Variants in NSG2 observed in about 807,000 individuals in gnomAD.
The protein encoded by NSG2 is neuronal vesicle trafficking-associated protein 2.
A neutral mutation model predicts 16.9 loss-of-function variants in NSG2; 4 were observed. That is an observed-to-expected ratio of 0.24 (90% CI 0.12 to 0.54). NSG2 has a LOEUF of 0.54. Ranked by LOEUF, NSG2 falls within the 20% of genes least tolerant of loss-of-function variation. The pLI, the probability that NSG2 is intolerant of heterozygous loss-of-function variation, is 0.95. For synonymous variants in NSG2, 98 were observed against 88.7 expected, an observed-to-expected ratio of 1.11 and a Z score of -0.59; for missense variants, 179 against 221.1, an observed-to-expected ratio of 0.81 and a Z score of 1.21.
intron 3 of NSG2, among the ~76,000 whole-genome samples, chr5:174,101,138 C>G (rs1040358293): frequency 6.6e-6 from 1 of 152,184 alleles, no homozygotes; most frequent in Admixed American, 6.5e-5. Context: ...CTTGGCTGGG[C>G]CCAGGTGTGT....
chr5:174,071,215 C>T (rs913719482), intron 3 of NSG2, among the ~76,000 whole-genome samples: 1 of 152,208 alleles, frequency 6.6e-6, no homozygotes, highest in African/African-American at 2.4e-5. Flanking sequence ...TTTTAAACAA[C>T]CAGTGGCTCA....
intron 3 of NSG2, 64 bp downstream of exon 3, chr5:174,064,379 A>G (rs1760107396): frequency 4.4e-6 from 5 of 1,124,438 alleles, no homozygotes; most frequent in African/African-American, 1.5e-5. Context: ...AGCTCAGCAC[A>G]CCTCGTGCTT....
At chr5:174,083,859 A>T (rs537414323) in intron 3 of NSG2, among the ~76,000 whole-genome samples, 4 of 152,292 alleles carry the variant, frequency 2.6e-5, no homozygotes, top group African/African-American at 9.6e-5. Context: ...TGTGATGGGG[A>T]CATTATTGTA....
Position 174,046,809 on chromosome 5 carries a change from T to A in NSG2, c.54T>A (p.Val18=). ...AGAAGGGAACCAAGCCGCCTTCAGTTGAGGATGGCTTCCAGACCGTCCCTC... is the reference window on the plus strand; with the variant it reads ...AGAAGGGAACCAAGCCGCCTTCAGTAGAGGATGGCTTCCAGACCGTCCCTC... ...PSEKGTKPPS[V]EDGFQTVPLI... The change falls in exon 2 of 5, where the codon GTT becomes GTA. Residue 18 remains valine (V), a synonymous_variant. Coordinates refer to ENST00000303177, the MANE Select transcript of NSG2 (RefSeq NM_015980.5). 6.2e-7 allele frequency: 1 copy of A among 1,614,142 alleles called. No individual in the cohort carries two copies.
At chr5:174,103,513 C>T (rs766241999) in intron 3 of NSG2, among the ~76,000 whole-genome samples, 5 of 152,010 alleles carry the variant, frequency 3.3e-5, no homozygotes, top group African/African-American at 9.7e-5. Context: ...AGTTGATGTC[C>T]GAGGTTGCAA....
intron 2 of NSG2, chr5:174,062,697 C>T (rs1760072615): frequency 6.6e-6 from 1 of 152,202 alleles, no homozygotes; most frequent in Admixed American, 6.5e-5. Context: ...TCCTTAACCC[C>T]CATAAGTCCA....
In NSG2 at chr5:174,047,495, G is replaced by A. The variant is rs145658624; in HGVS notation, c.129+611G>A. Among the ~76,000 whole-genome samples, 1,044 of 152,356 alleles carry A rather than the reference G, an allele frequency of 6.9e-3. 7 individuals carry two copies. The highest frequency in any genetic ancestry group is 9.6e-3 in the Non-Finnish European group (650 of 68,038). Reference sequence around the variant, plus strand: ...GAGAAGACAGGTTAGGCAAACTGCAGAGGAGAGCATTTGAATTGGGCTTTT... The same window carrying A: ...GAGAAGACAGGTTAGGCAAACTGCAAAGGAGAGCATTTGAATTGGGCTTTT... On this transcript the variant is annotated intron_variant, in intron 2 of 4. Coordinates refer to ENST00000303177, the MANE Select transcript of NSG2 (RefSeq NM_015980.5).
chr5:174,084,543 G>A (rs1046370073), intron 3 of NSG2, among the ~76,000 whole-genome samples: 11 of 152,206 alleles, frequency 7.2e-5, no homozygotes, highest in African/African-American at 2.7e-4. Context: ...GGAGCCTGTA[G>A]TGAAGAGCAT....
At chr5:174,079,608 C>A (rs1371567411) in intron 3 of NSG2, among the ~76,000 whole-genome samples, 1 of 152,082 alleles carries the variant, frequency 6.6e-6, no homozygotes, top group African/African-American at 2.4e-5. Context: ...GTTCTTATTG[C>A]CTGTTTGATC....
chr5:174,083,137 C>T (rs1482749927), intron 3 of NSG2, among the ~76,000 whole-genome samples: 1 of 152,224 alleles, frequency 6.6e-6, no homozygotes, highest in Non-Finnish European at 1.5e-5. Flanking sequence ...AGGAGCCCCA[C>T]TCCCCAGTGC....
At chr5:174,082,099 C>T (rs369872785) in intron 3 of NSG2, among the ~76,000 whole-genome samples, 9 of 151,982 alleles carry the variant, frequency 5.9e-5, no homozygotes, top group African/African-American at 1.7e-4. Context: ...CATTTGTACC[C>T]GACCACCTGT....
intron 2 of NSG2, among the ~76,000 whole-genome samples, chr5:174,048,368 C>A (rs1422607559): frequency 6.6e-6 from 1 of 152,158 alleles, no homozygotes; most frequent in Non-Finnish European, 1.5e-5. Context: ...CCAGGTGGCT[C>A]CTGCATGCAG....
At chr5:174,061,668 A>G (rs958159772) in intron 2 of NSG2, among the ~76,000 whole-genome samples, 30 of 152,126 alleles carry the variant, frequency 2.0e-4, no homozygotes, top group African/African-American at 1.2e-4. Context: ...CAGTGGCACA[A>G]TCTTGGCTCA....
chr5:174,052,648 G>C lies in NSG2; in HGVS notation c.129+5764G>C, dbSNP rs192810157. ...TGCCTTTGGTGCTTTGCTGCCTTTG[G>C]TTCATCTAAGTAGCCACAATAACCC... On this transcript the variant is annotated intron_variant, in intron 2 of 4. Coordinates refer to ENST00000303177, the MANE Select transcript of NSG2 (RefSeq NM_015980.5). 9.2e-5 allele frequency among the ~76,000 whole-genome samples: 14 copies of C among 152,286 alleles called. No individual in the cohort carries two copies. The East Asian group carries it at 2.7e-3, about 29-fold the overall frequency.
At chr5:174,046,685 C>G in intron 1 of NSG2, 49 bp from the exon 2 acceptor site, 1 of 1,591,018 alleles carries the variant, frequency 6.3e-7, no homozygotes, top group Non-Finnish European at 8.6e-7. Flanking sequence ...TCAGCCCTCT[C>G]TTTCTGCCTC....
chr5:174,067,463 G>A (rs186683091), intron 3 of NSG2, among the ~76,000 whole-genome samples: 36 of 152,320 alleles, frequency 2.4e-4, no homozygotes, highest in African/African-American at 6.7e-4. Flanking sequence ...CCACCCCCGC[G>A]CAGTTTGACT....
intron 3 of NSG2, among the ~76,000 whole-genome samples, chr5:174,102,656 T>A (rs1760914494): frequency 6.6e-6 from 1 of 152,240 alleles, no homozygotes; most frequent in South Asian, 2.1e-4. Flanking sequence ...GTATTATTTT[T>A]TTTAAAGGTT....
chr5:174,067,910 G>A (rs973699400), intron 3 of NSG2, among the ~76,000 whole-genome samples: 2 of 152,124 alleles, frequency 1.3e-5, no homozygotes, highest in African/African-American at 2.4e-5. Context: ...GGGAGCTGGG[G>A]GGATGCTCTG....
chr5:174,047,720 G>T (rs1473677322), intron 2 of NSG2, among the ~76,000 whole-genome samples: 1 of 152,236 alleles, frequency 6.6e-6, no homozygotes, highest in East Asian at 1.9e-4. Flanking sequence ...AGTCCATGAA[G>T]AATGGAGGTG....
Sources: gnomAD v4.1 joint callset for allele counts (sites outside exome capture counted in the v4.1 genomes callset) on GRCh38, gnomAD v4.1.1 for gene constraint, MANE v1.5 for transcripts, NCBI Gene and HGNC (gene_info 2026-07-23, HGNC 2026-07-21) for gene names.